ADAMTS20: variants seen among roughly 807,000 people sequenced by gnomAD.
ADAMTS20 encodes ADAM metallopeptidase with thrombospondin type 1 motif 20, also known as A disintegrin and metalloproteinase with thrombospondin motifs 20.
Under a neutral mutation model 260.1 loss-of-function variants are expected in ADAMTS20, and 225 were observed. The observed-to-expected ratio is 0.87, with a 90% CI of 0.78 to 0.97. The LOEUF (loss-of-function observed/expected upper bound fraction) is 0.97. Ranked by LOEUF, ADAMTS20 falls within the 50% of genes least tolerant of loss-of-function variation. The pLI, the probability that ADAMTS20 is intolerant of heterozygous loss-of-function variation, is 0.00. For missense variants in ADAMTS20, 2,400 were observed against 2,337.7 expected (o/e 1.03, Z -0.55); for synonymous variants, 802 against 769.5 (o/e 1.04, Z -0.70).
intron 4 of ADAMTS20, among the ~76,000 whole-genome samples, chr12:43,500,298 C>T (rs1040676366): frequency 2.0e-5 from 3 of 151,916 alleles, no homozygotes; most frequent in Non-Finnish European, 2.9e-5. Context: ...CAAAGTGGTG[C>T]GATTACAGGC....
chr12:43,403,224 G>A (rs1289491038), intron 28 of ADAMTS20, among the ~76,000 whole-genome samples: 2 of 152,076 alleles, frequency 1.3e-5, no homozygotes, highest in East Asian at 3.8e-4. Flanking sequence ...CATATTTGAG[G>A]TGCGGATTTT....
intron 37 of ADAMTS20, among the ~76,000 whole-genome samples, chr12:43,359,247 T>G (rs1939816865): frequency 6.6e-6 from 1 of 152,246 alleles, no homozygotes. Context: ...ATTGGAATGT[T>G]TATTCTTGAG....
At chr12:43,534,941 G>T (rs1943274014) in intron 2 of ADAMTS20, among the ~76,000 whole-genome samples, 1 of 151,986 alleles carries the variant, frequency 6.6e-6, no homozygotes, top group African/African-American at 2.4e-5. Context: ...ATGTTTCCCT[G>T]CTTCCCACCC....
intron 31 of ADAMTS20, among the ~76,000 whole-genome samples, chr12:43,381,139 G>T (rs1194104912): frequency 6.6e-6 from 1 of 152,052 alleles, no homozygotes; most frequent in African/African-American, 2.4e-5. Flanking sequence ...TAATTCAATG[G>T]GGGAAAGAAT....
rs918639130 is a variant in ADAMTS20, at chr12:43,487,649, A to C, written c.1117+2746T>G. 2.0e-5 allele frequency among the ~76,000 whole-genome samples: 3 copies of C among 152,164 alleles called. No homozygotes were observed. The South Asian group carries it at 6.2e-4, about 32-fold the overall frequency. ...GTACATGACACATTGAAAGAAAATA[A>C]TTTATTATTGAATGACATTTTAAAA... On this transcript the variant is annotated intron_variant, in intron 7 of 38. Transcript: ENST00000389420.
intron 6 of ADAMTS20, among the ~76,000 whole-genome samples, chr12:43,491,559 T>A (rs374630184): frequency 6.6e-6 from 1 of 152,170 alleles, no homozygotes; most frequent in Admixed American, 6.5e-5. Context: ...ATTTATATAT[T>A]CTGGTAGTAT....
At chr12:43,405,712 AT>A (rs1448403083) in intron 28 of ADAMTS20, among the ~76,000 whole-genome samples, 2 of 152,128 alleles carry the variant, frequency 1.3e-5, no homozygotes, top group Non-Finnish European at 2.9e-5. Context: ...AGGTGATATT[AT>A]TCAATTTCAC....
chr12:43,482,989 T>C (rs1255264866), intron 7 of ADAMTS20, among the ~76,000 whole-genome samples: 1 of 152,116 alleles, frequency 6.6e-6, no homozygotes, highest in Non-Finnish European at 1.5e-5. Flanking sequence ...AACCAGGAGA[T>C]CTTGAGTCTG....
chr12:43,548,323 A>C (rs1490574719), intron 2 of ADAMTS20, among the ~76,000 whole-genome samples: 1 of 152,204 alleles, frequency 6.6e-6, no homozygotes, highest in Non-Finnish European at 1.5e-5. Context: ...ACAAGGTGAC[A>C]AAGATAAACT....
intron 7 of ADAMTS20, among the ~76,000 whole-genome samples, chr12:43,470,964 C>G (rs898587626): frequency 6.6e-6 from 1 of 152,140 alleles, no homozygotes; most frequent in African/African-American, 2.4e-5. Flanking sequence ...ATTCAAATAC[C>G]TTAACTATCG....
intron 3 of ADAMTS20, among the ~76,000 whole-genome samples, chr12:43,521,326 A>T (rs1943068972): frequency 6.6e-6 from 1 of 152,188 alleles, no homozygotes; most frequent in South Asian, 2.1e-4. Context: ...TGATTAAATT[A>T]TTACATTTAA....
At chr12:43,465,370 A>G (rs920134770) in intron 9 of ADAMTS20, among the ~76,000 whole-genome samples, 10 of 152,020 alleles carry the variant, frequency 6.6e-5, no homozygotes, top group Non-Finnish European at 1.3e-4. Context: ...TCATCTGTAA[A>G]TTGAGAGTGG....
chr12:43,529,767 A>G (rs1404427551), intron 3 of ADAMTS20, among the ~76,000 whole-genome samples: 8 of 152,138 alleles, frequency 5.3e-5, no homozygotes, highest in African/African-American at 1.7e-4. Flanking sequence ...TAATTCATCT[A>G]TGTAACCAAA....
intron 31 of ADAMTS20, among the ~76,000 whole-genome samples, chr12:43,379,140 T>A (rs1940293986): frequency 6.6e-6 from 1 of 152,186 alleles, no homozygotes; most frequent in African/African-American, 2.4e-5. Flanking sequence ...TTGAACTGTT[T>A]AGTGGTTTTC....
intron 29 of ADAMTS20, among the ~76,000 whole-genome samples, chr12:43,389,744 G>C (rs1437820549): frequency 6.6e-6 from 1 of 152,084 alleles, no homozygotes; most frequent in Non-Finnish European, 1.5e-5. Context: ...AACAAGGATG[G>C]ACTTTCCTCC....
intron 3 of ADAMTS20, among the ~76,000 whole-genome samples, chr12:43,521,755 G>C (rs1943075008): frequency 6.6e-6 from 1 of 151,794 alleles, no homozygotes; most frequent in African/African-American, 2.4e-5. Context: ...AATCCTTAAA[G>C]TTCTTTCATA....
At chr12:43,460,326 A>T (rs1942037052) in intron 11 of ADAMTS20, among the ~76,000 whole-genome samples, 1 of 152,232 alleles carries the variant, frequency 6.6e-6, no homozygotes, top group East Asian at 1.9e-4. Flanking sequence ...GCTAATAAGC[A>T]TATGAAAAAA....
chr12:43,531,304 G>C (rs926255482), intron 3 of ADAMTS20, among the ~76,000 whole-genome samples: 2 of 151,612 alleles, frequency 1.3e-5, no homozygotes, highest in Non-Finnish European at 2.9e-5. Flanking sequence ...TGTTACTTAG[G>C]TTCAGGAATT....
At chr12:43,427,972 T>A (rs981955436) in intron 26 of ADAMTS20, among the ~76,000 whole-genome samples, 2 of 152,184 alleles carry the variant, frequency 1.3e-5, no homozygotes, top group African/African-American at 4.8e-5. Flanking sequence ...CCTTAAAGCA[T>A]TTTCTTTTGT....
Sources: gnomAD v4.1 joint callset for allele counts (sites outside exome capture counted in the v4.1 genomes callset) on GRCh38, gnomAD v4.1.1 for gene constraint, MANE v1.5 for transcripts, NCBI Gene and HGNC (gene_info 2026-07-23, HGNC 2026-07-21) for gene names.